The following TENT5D variants were observed in gnomAD, a reference collection of about 807,000 sequenced individuals.
TENT5D encodes terminal nucleotidyltransferase 5D, also known as cancer/testis antigen 112.
For missense variants in TENT5D, 191 were observed against 287.0 expected, an observed-to-expected ratio of 0.67 and a Z score of 2.42; for synonymous variants, 103 against 100.6, an observed-to-expected ratio of 1.02 and a Z score of -0.15.
intron 3 of TENT5D, among the ~76,000 whole-genome samples, chrX:80,368,408 C>A (rs1189217248): frequency 2.7e-5 from 3 of 111,638 alleles, no homozygotes; most frequent in Non-Finnish European, 5.7e-5. Context: ...GTATATTATT[C>A]TTTTTACTGG....
intron 1 of TENT5D, among the ~76,000 whole-genome samples, chrX:80,434,771 C>T (rs927594840): frequency 1.0e-4 from 11 of 105,263 alleles, no homozygotes; most frequent in Admixed American, 9.3e-4. Flanking sequence ...TCTGAAACTT[C>T]GTTTTTTTCT....
exon 3 of TENT5D, chrX:80,442,909 G>T: frequency 8.3e-7 from 1 of 1,211,236 alleles, no homozygotes; most frequent in Non-Finnish European, 1.1e-6. Context: ...GCTCTCCCCA[G>T]ATATCATGAA....
At chrX:80,415,961 G>T (rs1299709983), upstream of TENT5D, among the ~76,000 whole-genome samples, 4 of 111,303 alleles carry the variant, frequency 3.6e-5, no homozygotes, top group East Asian at 1.1e-3. Context: ...TTACTGATTT[G>T]ATTTTAGAAC....
intron 3 of TENT5D, among the ~76,000 whole-genome samples, chrX:80,352,720 CAAAAAAAAAAA>C (rs1189877322): frequency 1.0e-4 from 2 of 19,915 alleles, no homozygotes; most frequent in African/African-American, 1.8e-4. Context: ...AGCAAACAAA[CAAAAAAAAAAA>C]AAAAAAAAAA....
intron 3 of TENT5D, among the ~76,000 whole-genome samples, chrX:80,386,118 G>A (rs1930996494): frequency 2.7e-5 from 3 of 112,117 alleles, no homozygotes; most frequent in African/African-American, 9.7e-5. Context: ...AAAGACACAT[G>A]CACACATATA....
intron 3 of TENT5D, among the ~76,000 whole-genome samples, chrX:80,408,111 G>A (rs1236022456): frequency 9.2e-6 from 1 of 109,269 alleles, no homozygotes; most frequent in Admixed American, 9.7e-5. Flanking sequence ...AGTGTGTAGA[G>A]GGAAATTTGT....
intron 3 of TENT5D, among the ~76,000 whole-genome samples, chrX:80,359,186 A>G: frequency 8.9e-6 from 1 of 111,989 alleles, no homozygotes; most frequent in South Asian, 3.8e-4. Context: ...AGAAATAGGA[A>G]CGCTTTTACA....
intron 3 of TENT5D, among the ~76,000 whole-genome samples, chrX:80,387,725 C>A (rs1300443287): frequency 1.8e-5 from 2 of 110,687 alleles, no homozygotes; most frequent in Non-Finnish European, 3.8e-5. Flanking sequence ...CACCCAAGGC[C>A]GAGTATAACC....
chrX:80,392,205 C>G (rs1931141619), intron 3 of TENT5D, among the ~76,000 whole-genome samples: 1 of 111,224 alleles, frequency 9.0e-6, no homozygotes, highest in Non-Finnish European at 1.9e-5. Flanking sequence ...GTTTAGTGTC[C>G]TTTACTTTTC....
At chrX:80,371,173 G>A (rs1288277302) in intron 3 of TENT5D, among the ~76,000 whole-genome samples, 1 of 111,692 alleles carries the variant, frequency 9.0e-6, no homozygotes, top group Non-Finnish European at 1.9e-5. Context: ...GCATTACCTG[G>A]GAACTTGGAA....
In TENT5D at chrX:80,405,909, G is replaced by A. The variant is rs1488199442; in HGVS notation, c.-141-32701G>A. On this transcript the variant is annotated intron_variant, in intron 3 of 4. Coordinates refer to the TENT5D transcript ENST00000538312. The stretch of plus-strand genomic sequence containing the variant: ...AGCACGCAGCTGAAGATCTGAGAAC[G>A]GGCAGACTGCCTCCTCAAGTGGGTC... Among the ~76,000 whole-genome samples, 11 of 108,372 alleles carry A rather than the reference G, an allele frequency of 1.0e-4. No individual in the cohort carries two copies. In the East Asian group the frequency reaches 1.5e-3, roughly 14 times the overall value. 94.1% of individuals were successfully genotyped at this position (108,372 alleles called of 115,157 possible). A position where few individuals can be genotyped will look rare whatever the true frequency, so the allele number is the denominator to read the frequency against.
chrX:80,382,155 T>G (rs1477232769), intron 3 of TENT5D, among the ~76,000 whole-genome samples: 1 of 111,839 alleles, frequency 8.9e-6, no homozygotes, highest in Non-Finnish European at 1.9e-5. Flanking sequence ...GATGTCCTTT[T>G]TGTTGATGTT....
At chrX:80,435,518 A>G (rs1164081396) in intron 1 of TENT5D, among the ~76,000 whole-genome samples, 1 of 112,493 alleles carries the variant, frequency 8.9e-6, no homozygotes, top group Non-Finnish European at 1.9e-5. Context: ...CTTTGTAATT[A>G]TTTTTAATGT....
chrX:80,389,957 G>A (rs1177003781), intron 3 of TENT5D, among the ~76,000 whole-genome samples: 1 of 111,734 alleles, frequency 8.9e-6, no homozygotes, highest in Non-Finnish European at 1.9e-5. Context: ...AGTGGGAAAG[G>A]ATGAAACTTC....
At chrX:80,428,567 G>A (rs917599387) in intron 1 of TENT5D, among the ~76,000 whole-genome samples, 1 of 112,475 alleles carries the variant, frequency 8.9e-6, no homozygotes, top group Non-Finnish European at 1.9e-5. Flanking sequence ...CTGCTTTCAA[G>A]CAAGGCTTGC....
chrX:80,444,360 T>C (rs1316427007), exon 3 of TENT5D: 2 of 122,421 alleles, frequency 1.6e-5, no homozygotes, highest in Admixed American at 9.7e-5. Flanking sequence ...ACATTAGTAA[T>C]TTGTCATCTA....
At chrX:80,356,313 A>G (rs7050725) in intron 3 of TENT5D, among the ~76,000 whole-genome samples, 20 of 111,974 alleles carry the variant, frequency 1.8e-4, no homozygotes, top group African/African-American at 6.5e-4. Flanking sequence ...AGCCTATTCA[A>G]TATAAATAAC....
chrX:80,382,830 A>G (rs1346221777), intron 3 of TENT5D, among the ~76,000 whole-genome samples: 2 of 111,915 alleles, frequency 1.8e-5, no homozygotes, highest in African/African-American at 6.5e-5. Flanking sequence ...CTGGTGTGCC[A>G]TTTGCTAAGA....
intron 3 of TENT5D, among the ~76,000 whole-genome samples, chrX:80,385,544 AT>A (rs1930977073): frequency 8.9e-6 from 1 of 112,140 alleles, no homozygotes; most frequent in Non-Finnish European, 1.9e-5. Flanking sequence ...ACCAAAAGCA[AT>A]GGCAGCAAAA....
Sources: gnomAD v4.1 joint callset for allele counts (sites outside exome capture counted in the v4.1 genomes callset) on GRCh38, gnomAD v4.1.1 for gene constraint, MANE v1.5 for transcripts, NCBI Gene and HGNC (gene_info 2026-07-23, HGNC 2026-07-21) for gene names.